The following SYN3 variants were observed in gnomAD, a reference collection of about 807,000 sequenced individuals.
SYN3 encodes synapsin III.
In SYN3, 35 loss-of-function variants were observed where a neutral mutation model predicts 65.8. The observed-to-expected ratio is 0.53, with a 90% confidence interval of 0.41 to 0.70. The LOEUF is 0.70. Ranked by LOEUF, SYN3 falls within the 30% of genes least tolerant of loss-of-function variation. The probability of loss-of-function intolerance (pLI) is 0.00; values close to 1 mark genes in which losing one functional copy is unlikely to be tolerated. For synonymous variants in SYN3, 270 were observed against 292.9 expected, an observed-to-expected ratio of 0.92 and a Z score of 0.80; for missense variants, 680 against 749.0, an observed-to-expected ratio of 0.91 and a Z score of 1.08.
chr22:32,877,251 T>C (rs2049008422), intron 4 of SYN3, among the ~76,000 whole-genome samples: 1 of 152,204 alleles, frequency 6.6e-6, no homozygotes, highest in South Asian at 2.1e-4. Flanking sequence ...TAAAACACAA[T>C]GAGGCTCTAG....
chr22:32,622,719 C>A (rs1429149180), intron 6 of SYN3, among the ~76,000 whole-genome samples: 1 of 107,182 alleles, frequency 9.3e-6, no homozygotes, highest in Non-Finnish European at 1.8e-5. Context: ...CTCCAGAAAT[C>A]GGATGCAAAA....
At chr22:32,946,963 T>A (rs1208619809) in intron 3 of SYN3, among the ~76,000 whole-genome samples, 1 of 152,214 alleles carries the variant, frequency 6.6e-6, no homozygotes. Context: ...TTTTCAACAC[T>A]GATCTCAATG....
chr22:32,611,284 GTTTTTTTTTTTT>G (rs1201383074), intron 6 of SYN3, among the ~76,000 whole-genome samples: 1 of 94,522 alleles, frequency 1.1e-5, no homozygotes, highest in East Asian at 2.9e-4. Flanking sequence ...TTTTTTTTTT[GTTTTTTTTTTTT>G]TTTTTTTTTG....
chr22:32,766,448 G>A (rs1311375288), intron 6 of SYN3, among the ~76,000 whole-genome samples: 1 of 152,188 alleles, frequency 6.6e-6, no homozygotes. Context: ...CACTGCTGTT[G>A]CCATCTTTTA....
intron 1 of SYN3, among the ~76,000 whole-genome samples, chr22:33,032,294 G>T (rs1329723051): frequency 6.6e-6 from 1 of 151,662 alleles, no homozygotes; most frequent in African/African-American, 2.4e-5. Flanking sequence ...GATCACATGA[G>T]GTCAGGTGTT....
intron 6 of SYN3, among the ~76,000 whole-genome samples, chr22:32,624,472 G>A (rs186352230): frequency 1.5e-3 from 230 of 152,270 alleles, no homozygotes; most frequent in African/African-American, 5.2e-3. Context: ...GTCATTTACC[G>A]GGAAGACTTC....
chr22:32,746,996 G>A (rs2044952997), intron 6 of SYN3, among the ~76,000 whole-genome samples: 1 of 152,184 alleles, frequency 6.6e-6, no homozygotes, highest in Admixed American at 6.5e-5. Context: ...GCCAAAAAGG[G>A]CGGGAGGTAG....
chr22:32,722,759 T>G (rs968183015), intron 6 of SYN3, among the ~76,000 whole-genome samples: 1 of 152,160 alleles, frequency 6.6e-6, no homozygotes, highest in African/African-American at 2.4e-5. Context: ...ACCCTATCTC[T>G]AGGCTAGGAA....
intron 6 of SYN3, among the ~76,000 whole-genome samples, chr22:32,764,063 G>A (rs1436695387): frequency 1.3e-5 from 2 of 151,222 alleles, no homozygotes; most frequent in African/African-American, 2.4e-5. Context: ...TCAGCCTCCC[G>A]ACTAGCTGGG....
At chr22:32,562,450 G>T (rs1219124208) in intron 7 of SYN3, among the ~76,000 whole-genome samples, 2 of 152,186 alleles carry the variant, frequency 1.3e-5, no homozygotes, top group Non-Finnish European at 2.9e-5. Flanking sequence ...ATCTGGGTTG[G>T]CCTGGAGGGA....
rs1359453939 is a variant in SYN3, at chr22:32,780,078, A to AAAAAAAAAAAAAGAG, written c.711+84836_711+84837insCTCTTTTTTTTTTTT. 7.2e-4 allele frequency among the ~76,000 whole-genome samples: 38 copies of AAAAAAAAAAAAAGAG among 52,648 alleles called. 1 individual carries two copies. The highest frequency in any genetic ancestry group is 2.2e-3 in the African/African-American group (37 of 16,960). The allele number at this position is 52,648 out of a possible 152,430, so 34.5% of individuals were successfully genotyped here. ...AGTGAGATTCTGTCTCAAAAAAAAA[A>AAAAAAAAAAAAAGAG]AGAGAGAGAAAAAAAGAGAAAAAAA... is the stretch of plus-strand genomic sequence containing the variant. On this transcript the variant is annotated intron_variant, in intron 6 of 13. Transcript: ENST00000358763.
chr22:32,915,298 A>T (rs1050237800), intron 4 of SYN3, among the ~76,000 whole-genome samples: 1 of 152,246 alleles, frequency 6.6e-6, no homozygotes, highest in African/African-American at 2.4e-5. Context: ...TTATTCATTC[A>T]ACCAAAATAG....
chr22:33,015,277 C>A, intron 1 of SYN3: 5 of 516,568 alleles, frequency 9.7e-6, no homozygotes, highest in Admixed American at 4.4e-5. Flanking sequence ...CCAAAAGGAG[C>A]AGACTATTTT....
intron 6 of SYN3, among the ~76,000 whole-genome samples, chr22:32,708,974 C>T (rs1722694189): frequency 6.6e-6 from 1 of 152,160 alleles, no homozygotes; most frequent in African/African-American, 2.4e-5. Flanking sequence ...AAGAGAGAAT[C>T]ACTCGAGCCC....
rs869044059 is a variant in SYN3 at position 32,569,588 on chromosome 22, T to TAA, written c.774+27084_774+27085dup. Reference sequence around the variant, plus strand: ...CTCTCTCTCTATATATATATATATATAAAATCTATCTATTTCTTCTAGGTG... The same window carrying TAA: ...CTCTCTCTCTATATATATATATATATAAAAAATCTATCTATTTCTTCTAGGTG... On this transcript the variant is annotated intron_variant, in intron 7 of 13. Coordinates refer to ENST00000358763, the MANE Select transcript of SYN3 (RefSeq NM_003490.4). Among the ~76,000 whole-genome samples, 100 of 109,796 alleles carry TAA rather than the reference T, an allele frequency of 9.1e-4. 1 individual carries two copies. The highest frequency in any genetic ancestry group is 1.7e-3 in the Non-Finnish European group (82 of 48,638). 72.0% of individuals were successfully genotyped at this position (109,796 alleles called of 152,430 possible).
At chr22:32,569,084 T>G (rs915576327) in intron 7 of SYN3, among the ~76,000 whole-genome samples, 29 of 152,330 alleles carry the variant, frequency 1.9e-4, no homozygotes, top group Admixed American at 1.9e-3. Context: ...ACATCCTAGC[T>G]TAGGGACTTA....
chr22:32,819,232 C>T (rs972670088), intron 6 of SYN3, among the ~76,000 whole-genome samples: 6 of 152,222 alleles, frequency 3.9e-5, no homozygotes, highest in African/African-American at 1.4e-4. Context: ...GGGTTTCACC[C>T]GCAAGGAGCT....
chr22:32,838,957 G>T (rs968945646), intron 6 of SYN3, among the ~76,000 whole-genome samples: 1 of 151,566 alleles, frequency 6.6e-6, no homozygotes, highest in Non-Finnish European at 1.5e-5. Context: ...CTGGAAGAAA[G>T]AGAGGAAAGC....
intron 6 of SYN3, among the ~76,000 whole-genome samples, chr22:32,713,958 C>T (rs1984274940): frequency 1.3e-5 from 2 of 152,074 alleles, no homozygotes; most frequent in African/African-American, 4.8e-5. Context: ...TTCCCAGTAA[C>T]CCAGTTATGT....
Sources: allele counts gnomAD v4.1 joint callset (sites outside exome capture counted in the v4.1 genomes callset), GRCh38; gene constraint gnomAD v4.1.1; transcripts MANE v1.5; gene names NCBI Gene and HGNC (gene_info 2026-07-23, HGNC 2026-07-21).